The following TOPAZ1 variants were observed in gnomAD, a reference collection of about 807,000 sequenced individuals.
TOPAZ1 encodes the protein protein TOPAZ1.
TOPAZ1 carries 66 observed loss-of-function variants against 172.2 expected under a neutral mutation model. That is an observed-to-expected ratio of 0.38 (90% CI 0.31 to 0.47). The LOEUF (loss-of-function observed/expected upper bound fraction) is 0.47. TOPAZ1 is among the 20% of genes least tolerant of loss of function. TOPAZ1 has a pLI of 0.99. For missense variants in TOPAZ1, 1,822 were observed against 1,972.4 expected (o/e 0.92, Z 1.44); for synonymous variants, 681 against 683.9 (o/e 1.00, Z 0.07).
At chr3:44,293,812 G>T (rs1700166199) in intron 12 of TOPAZ1, among the ~76,000 whole-genome samples, 1 of 152,178 alleles carries the variant, frequency 6.6e-6, no homozygotes, top group African/African-American at 2.4e-5. Context: ...AACATGCTTT[G>T]CAGGTTGGTA....
intron 16 of TOPAZ1, among the ~76,000 whole-genome samples, chr3:44,317,020 C>T (rs144472967): frequency 2.6e-5 from 4 of 152,328 alleles, no homozygotes; most frequent in African/African-American, 9.6e-5. Flanking sequence ...TCTCACTCCT[C>T]TTCTAAATTA....
At chr3:44,322,803 A>T (rs1369226330) in intron 17 of TOPAZ1, among the ~76,000 whole-genome samples, 1 of 152,220 alleles carries the variant, frequency 6.6e-6, no homozygotes, top group Non-Finnish European at 1.5e-5. Flanking sequence ...CTGTAGTCCA[A>T]GCTACTTAGG....
chr3:44,316,397 C>T (rs1331571442), intron 16 of TOPAZ1, among the ~76,000 whole-genome samples: 1 of 152,054 alleles, frequency 6.6e-6, no homozygotes, highest in Non-Finnish European at 1.5e-5. Context: ...TCTAATGTAA[C>T]ACCTAAAATT....
chr3:44,292,418 A>C (rs1041350838), intron 12 of TOPAZ1, among the ~76,000 whole-genome samples: 5 of 152,090 alleles, frequency 3.3e-5, no homozygotes, highest in African/African-American at 1.2e-4. Flanking sequence ...ATATGTGAAA[A>C]ACTTTTCCCA....
intron 9 of TOPAZ1, 105 bp downstream of exon 9, chr3:44,282,136 C>A: frequency 4.4e-6 from 3 of 688,210 alleles, no homozygotes; most frequent in Admixed American, 3.1e-5. Flanking sequence ...AATGCCTTAC[C>A]CAAGAGTAGC....
chr3:44,244,277 A>G lies in TOPAZ1; in HGVS notation c.1771A>G (p.Lys591Glu), dbSNP rs1699530515. 6 of 1,550,374 alleles carry G rather than the reference A, an allele frequency of 3.9e-6. No individual in the cohort carries two copies. The highest frequency in any genetic ancestry group is 3.3e-4 in the Middle Eastern group (2 of 6,004). The change falls in exon 2 of 20, where the codon AAG (lysine) becomes GAG (glutamate). Residue 591 changes from lysine to glutamate, a missense_variant. Lys to Glu is a moderately conservative substitution (Grantham distance 56, BLOSUM62 1). Transcript: ENST00000309765. Reference protein sequence around the residue: ...TLMVIKEPIIKDDKKIKSEEL... With the variant: ...TLMVIKEPIIEDDKKIKSEEL... ...AATGGTTATAAAGGAACCTATAATC[A>G]AGGATGATAAAAAGATAAAATCAGA... is the stretch of plus-strand genomic sequence containing the variant.
At chr3:44,330,538 G>C (rs1044026613) in intron 19 of TOPAZ1, among the ~76,000 whole-genome samples, 2 of 152,122 alleles carry the variant, frequency 1.3e-5, no homozygotes, top group Non-Finnish European at 2.9e-5. Context: ...AGATTCCCGG[G>C]CACCTCTTTC....
At chr3:44,314,984 G>A (rs564601492) in intron 16 of TOPAZ1, among the ~76,000 whole-genome samples, 19 of 152,200 alleles carry the variant, frequency 1.2e-4, no homozygotes, top group East Asian at 3.9e-4. Context: ...CCCCCACTGC[G>A]TTCTTTAACC....
chr3:44,272,640 C>T (rs1362342593), intron 8 of TOPAZ1, among the ~76,000 whole-genome samples: 1 of 152,192 alleles, frequency 6.6e-6, no homozygotes, highest in Non-Finnish European at 1.5e-5. Flanking sequence ...TGGCTCACTG[C>T]AGCCTCCACC....
At chr3:44,281,011 A>G (rs1317223546) in intron 8 of TOPAZ1, among the ~76,000 whole-genome samples, 2 of 152,154 alleles carry the variant, frequency 1.3e-5, no homozygotes, top group African/African-American at 2.4e-5. Context: ...GCAACCCCCT[A>G]CATTAGTCTC....
At chr3:44,317,422 A>AAAAAATAAAT (rs1267515959) in intron 16 of TOPAZ1, among the ~76,000 whole-genome samples, 5 of 152,324 alleles carry the variant, frequency 3.3e-5, no homozygotes, top group African/African-American at 1.2e-4. Flanking sequence ...CTCGGTCTCA[A>AAAAAATAAAT]AAAAATAAAT....
chr3:44,255,720 C>T (rs960736337), intron 3 of TOPAZ1, among the ~76,000 whole-genome samples: 3 of 13,966 alleles, frequency 2.1e-4, no homozygotes, highest in Admixed American at 9.3e-4. Context: ...CACACACACA[C>T]ATATATATAT....
At chr3:44,261,505 A>G (rs918987359) in intron 4 of TOPAZ1, among the ~76,000 whole-genome samples, 1 of 151,994 alleles carries the variant, frequency 6.6e-6, no homozygotes, top group African/African-American at 2.4e-5. Context: ...ATTCTGTTCT[A>G]TTGGTCCGTG....
Position 44,249,322 on chromosome 3 carries a change from A to G in TOPAZ1, c.2765+4051A>G, listed in dbSNP as rs1400091833. Among the ~76,000 whole-genome samples, 3 of 152,208 alleles carry G rather than the reference A, an allele frequency of 2.0e-5. No homozygotes were observed. In the East Asian group the frequency reaches 5.8e-4, roughly 29 times the overall value. On this transcript the variant is annotated intron_variant, in intron 2 of 19. Transcript: ENST00000309765. Reference sequence around the variant, plus strand: ...TACTAAGAGTAGTAGGAGTTTAGAAAAGAGAAGAATGAAAGAAATCTTGGA... The same window carrying G: ...TACTAAGAGTAGTAGGAGTTTAGAAGAGAGAAGAATGAAAGAAATCTTGGA...
chr3:44,330,953 T>C (rs1190795131), intron 19 of TOPAZ1, among the ~76,000 whole-genome samples: 10 of 152,162 alleles, frequency 6.6e-5, no homozygotes, highest in South Asian at 4.1e-4. Flanking sequence ...ACCAGAAATA[T>C]AATAAAGCCC....
chr3:44,261,548 G>C (rs1476724723), intron 4 of TOPAZ1, among the ~76,000 whole-genome samples: 1 of 152,048 alleles, frequency 6.6e-6, no homozygotes, highest in Non-Finnish European at 1.5e-5. Flanking sequence ...ATGCAGTTTT[G>C]GTTACTATAG....
At chr3:44,331,502 T>A (rs1185515444) in intron 19 of TOPAZ1, among the ~76,000 whole-genome samples, 2 of 152,084 alleles carry the variant, frequency 1.3e-5, no homozygotes, top group African/African-American at 2.4e-5. Context: ...GTTTTTAAAT[T>A]TTTTGTAGAG....
At chr3:44,326,871 C>T (rs1700606506) in intron 18 of TOPAZ1, among the ~76,000 whole-genome samples, 1 of 151,836 alleles carries the variant, frequency 6.6e-6, no homozygotes. Flanking sequence ...AAAAAAAAAT[C>T]GTATTAGTAG....
intron 2 of TOPAZ1, among the ~76,000 whole-genome samples, chr3:44,245,646 C>T (rs982828927): frequency 6.7e-6 from 1 of 149,816 alleles, no homozygotes; most frequent in Non-Finnish European, 1.5e-5. Flanking sequence ...ACCCCATTCT[C>T]CTGCCTCAGC....
Sources: gnomAD v4.1 joint callset for allele counts (sites outside exome capture counted in the v4.1 genomes callset) on GRCh38, gnomAD v4.1.1 for gene constraint, MANE v1.5 for transcripts, NCBI Gene and HGNC (gene_info 2026-07-23, HGNC 2026-07-21) for gene names.